SAMD12: variants seen among roughly 807,000 people sequenced by gnomAD.
SAMD12 encodes sterile alpha motif domain containing 12.
A neutral mutation model predicts 15.0 loss-of-function variants in SAMD12; 9 were observed. The observed-to-expected ratio is 0.60, with a 90% CI of 0.36 to 1.05. SAMD12 has a LOEUF of 1.05. Ranked by LOEUF, SAMD12 falls within the 50% of genes least tolerant of loss-of-function variation. SAMD12 has a pLI of 0.01. For missense variants in SAMD12, 230 were observed against 234.2 expected (o/e 0.98, Z 0.12); for synonymous variants, 86 against 90.1 (o/e 0.96, Z 0.25).
intron 1 of SAMD12, among the ~76,000 whole-genome samples, chr8:118,599,989 G>A (rs1268372291): frequency 1.3e-5 from 2 of 152,102 alleles, no homozygotes; most frequent in African/African-American, 4.8e-5. Flanking sequence ...GGAGGCAACA[G>A]ATCGCCTCTT....
intron 4 of SAMD12, among the ~76,000 whole-genome samples, chr8:118,333,893 A>ATGTG (rs113855115): frequency 5.6e-4 from 49 of 87,188 alleles, no homozygotes; most frequent in African/African-American, 2.1e-3. Context: ...GGTGGGGGAT[A>ATGTG]TGTGTGTGTG....
chr8:118,471,497 A>C (rs1011319534), intron 2 of SAMD12, among the ~76,000 whole-genome samples: 1 of 152,196 alleles, frequency 6.6e-6, no homozygotes, highest in East Asian at 1.9e-4. Flanking sequence ...ATTATAACCA[A>C]TGTCACCACT....
chr8:118,339,529 T>C (rs1817245505), intron 4 of SAMD12, among the ~76,000 whole-genome samples: 1 of 152,200 alleles, frequency 6.6e-6, no homozygotes. Flanking sequence ...AACTCTGGTG[T>C]CTATCCTAAA....
the SAMD12 span, among the ~76,000 whole-genome samples, chr8:118,170,354 G>A: frequency 6.6e-6 from 1 of 151,904 alleles, no homozygotes. Flanking sequence ...ATGTGGAGGG[G>A]GCTTAAAGTG....
At chr8:118,538,865 G>A (rs770717539) in intron 2 of SAMD12, among the ~76,000 whole-genome samples, 1 of 152,106 alleles carries the variant, frequency 6.6e-6, no homozygotes, top group Non-Finnish European at 1.5e-5. Flanking sequence ...TTATTTTTGT[G>A]TATAGTATAT....
At chr8:118,403,359 G>A (rs529916689) in intron 3 of SAMD12, among the ~76,000 whole-genome samples, 1 of 151,662 alleles carries the variant, frequency 6.6e-6, no homozygotes, top group Non-Finnish European at 1.5e-5. Context: ...TGTGTGTGGT[G>A]TATTTTTTTT....
chr8:118,340,356 G>A (rs1326893789), intron 4 of SAMD12, among the ~76,000 whole-genome samples: 1 of 152,108 alleles, frequency 6.6e-6, no homozygotes, highest in Non-Finnish European at 1.5e-5. Context: ...GGCCCATGGA[G>A]GTAAAGTATT....
intron 2 of SAMD12, among the ~76,000 whole-genome samples, chr8:118,506,470 C>T (rs1232733193): frequency 6.6e-6 from 1 of 151,954 alleles, no homozygotes; most frequent in African/African-American, 2.4e-5. Flanking sequence ...GTGCTAATTC[C>T]CAATTTTCCA....
At chr8:118,241,830 T>A (rs1201606555) in intron 4 of SAMD12, among the ~76,000 whole-genome samples, 1 of 152,166 alleles carries the variant, frequency 6.6e-6, no homozygotes, top group East Asian at 1.9e-4. Context: ...TATAAGAAAT[T>A]CCGCAATAAA....
chr8:118,364,233 TTA>T (rs1818651847), intron 4 of SAMD12, among the ~76,000 whole-genome samples: 1 of 152,186 alleles, frequency 6.6e-6, no homozygotes, highest in Non-Finnish European at 1.5e-5. Context: ...AACTTGTTTA[TTA>T]TCCTTTGGGG....
intron 4 of SAMD12, among the ~76,000 whole-genome samples, chr8:118,257,351 A>T (rs1362517101): frequency 1.1e-4 from 17 of 152,146 alleles, no homozygotes; most frequent in Non-Finnish European, 2.2e-4. Context: ...GACCTATCTG[A>T]AATGCTGAGA....
intron 4 of SAMD12, among the ~76,000 whole-genome samples, chr8:118,278,909 G>C (rs1563727391): frequency 6.6e-6 from 1 of 152,160 alleles, no homozygotes; most frequent in African/African-American, 2.4e-5. Flanking sequence ...TCATACTCGA[G>C]GTGATAAAAG....
At chr8:118,336,838 AG>A (rs1051229100) in intron 4 of SAMD12, among the ~76,000 whole-genome samples, 3 of 152,256 alleles carry the variant, frequency 2.0e-5, no homozygotes, top group African/African-American at 7.2e-5. Flanking sequence ...AGCCACAAAA[AG>A]GATGAGTTCA....
At chr8:118,256,779 TACACACACACACACACACACACACAC>T (rs3052764) in intron 4 of SAMD12, among the ~76,000 whole-genome samples, 2 of 139,776 alleles carry the variant, frequency 1.4e-5, no homozygotes, top group African/African-American at 5.2e-5. Context: ...CTGCATAAGA[TACACACACACACACACACACACACAC>T]ACACACACAC....
intron 4 of SAMD12, among the ~76,000 whole-genome samples, chr8:118,243,336 G>GA (rs1812614883): frequency 6.6e-6 from 1 of 151,758 alleles, no homozygotes; most frequent in Non-Finnish European, 1.5e-5. Flanking sequence ...ACAAGGAGGG[G>GA]AAAAATCCAC....
chr8:118,198,547 C>T (rs1022702488), intron 4 of SAMD12, among the ~76,000 whole-genome samples: 4 of 152,018 alleles, frequency 2.6e-5, no homozygotes, highest in Non-Finnish European at 5.9e-5. Flanking sequence ...AGAAGCACAG[C>T]AGGTATTCTT....
At chr8:118,167,046 A>G in the SAMD12 span, among the ~76,000 whole-genome samples, 1 of 152,118 alleles carries the variant, frequency 6.6e-6, no homozygotes, top group South Asian at 2.1e-4. Flanking sequence ...ACCTGTAGTG[A>G]TGTGGGAGAG....
chr8:118,461,120 T>A (rs1823408435), intron 2 of SAMD12, among the ~76,000 whole-genome samples: 2 of 152,250 alleles, frequency 1.3e-5, no homozygotes, highest in Admixed American at 1.3e-4. Context: ...GTTCTCACAG[T>A]TCTTGGTAAC....
Position 118,473,221 on chromosome 8 carries a change from C to T in SAMD12, c.193-33260G>A, listed in dbSNP as rs1217679304. Among the ~76,000 whole-genome samples the T allele has an allele frequency of 2.6e-5, 4 of 152,224 alleles. No homozygotes were observed. The East Asian group carries it at 5.8e-4, about 22-fold the overall frequency. On this transcript the variant is annotated intron_variant, in intron 2 of 3. Transcript: ENST00000314727. ...CAGCTCTGAGCCAGGCTCTGTCACACTGTAACCTCCTCTACAGCTACCTCC... is the reference window on the plus strand; with the variant it reads ...CAGCTCTGAGCCAGGCTCTGTCACATTGTAACCTCCTCTACAGCTACCTCC...
Sources: gnomAD v4.1 joint callset for allele counts (sites outside exome capture counted in the v4.1 genomes callset) on GRCh38, gnomAD v4.1.1 for gene constraint, MANE v1.5 for transcripts, NCBI Gene and HGNC (gene_info 2026-07-23, HGNC 2026-07-21) for gene names.